The following FBF1 variants were observed in gnomAD, a reference collection of about 807,000 sequenced individuals.
FBF1 encodes fas-binding factor 1.
FBF1 carries 119 observed loss-of-function variants against 147.2 expected under a neutral mutation model. That is an observed-to-expected ratio of 0.81 (90% confidence interval 0.70 to 0.94). The LOEUF (loss-of-function observed/expected upper bound fraction) is 0.94. FBF1 is among the 40% of genes least tolerant of loss of function. The probability of loss-of-function intolerance (pLI) is 0.00; values close to 1 mark genes in which losing one functional copy is unlikely to be tolerated. For missense variants in FBF1, 1,449 were observed against 1,500.8 expected, an observed-to-expected ratio of 0.97 and a Z score of 0.57; for synonymous variants, 601 against 609.0, an observed-to-expected ratio of 0.99 and a Z score of 0.19.
In FBF1 at chr17:75,910,836, C is replaced by T. The variant is rs1304975559; in HGVS notation, c.3364-30G>A. ...AAGGCAGGTTTGGATGGGCGGTCAC[C>T]TTCCCTGAGCTGAGAGGGAGGTGGA... On this transcript the variant is annotated intron_variant, in intron 29 of 29. Coordinates refer to ENST00000636174, the MANE Select transcript of FBF1 (RefSeq NM_001319193.2). This position sits in a 1 kb window ranked among gnomAD's most constrained non-coding sequence, Gnocchi z 4.1. 6 of 1,571,982 alleles carry T rather than the reference C, an allele frequency of 3.8e-6. No individual in the cohort carries two copies. Among genetic ancestry groups the T allele is most frequent in the African/African-American group, 1.3e-5 (1 of 74,106 alleles).
chr17:75,918,328 A>T lies in FBF1; in HGVS notation c.2139-59T>A. On this transcript the variant is annotated intron_variant, in intron 20 of 29. Coordinates refer to ENST00000636174, the MANE Select transcript of FBF1 (RefSeq NM_001319193.2). The surrounding 1 kb of genome is among the most constrained non-coding windows in gnomAD (Gnocchi z 5.8). The stretch of plus-strand genomic sequence containing the variant: ...TGAGCTGGATCACCCTGATGCGGTA[A>T]CTCCTTGTGGAAGGGTGTGTTTCCG... The T allele has an allele frequency of 7.0e-7, 1 of 1,427,304 alleles. No homozygotes were observed. Among genetic ancestry groups the T allele is most frequent in the East Asian group, 2.4e-5 (1 of 42,490 alleles). The allele number at this position is 1,427,304 out of a possible 1,614,324, so 88.4% of individuals were successfully genotyped here.
At chr17:75,917,074 T>C (rs1302240384) in intron 23 of FBF1, among the ~76,000 whole-genome samples, 6 of 152,194 alleles carry the variant, frequency 3.9e-5, no homozygotes, top group African/African-American at 1.4e-4. Flanking sequence ...CTCGAACTCC[T>C]GACCTCAAGT....
chr17:75,926,245 C>G, intron 11 of FBF1, 43 bp downstream of exon 11: 1 of 1,609,858 alleles, frequency 6.2e-7, no homozygotes, highest in East Asian at 2.2e-5. Flanking sequence ...CCAGCTTTTC[C>G]CTGAACCTGA....
intron 10 of FBF1, 33 bp from the exon 11 acceptor site, chr17:75,926,459 C>T: frequency 1.3e-6 from 2 of 1,514,852 alleles, no homozygotes; most frequent in Non-Finnish European, 1.8e-6. Context: ...ATGCCTGCAG[C>T]CTTCTTGCCC....
chr17:75,936,764 A>G (rs2065627795), intron 3 of FBF1, among the ~76,000 whole-genome samples: 1 of 152,092 alleles, frequency 6.6e-6, no homozygotes, highest in Non-Finnish European at 1.5e-5. Flanking sequence ...ACCATGACAC[A>G]CTGGCCAAAG....
At position 75,914,293 on chromosome 17, in the gene FBF1, C is replaced by G. The variant is rs147541272; in HGVS notation, c.2820G>C (p.Gln940His). The G allele has an allele frequency of 1.3e-5, 21 of 1,590,712 alleles. No homozygotes were observed. The East Asian group carries it at 4.5e-4, about 34-fold the overall frequency. ...CGCTGGCCCTGATCTTCAGCTCAGC[C>G]TGCTCCTGGAGACAGCGGAGGCCCT... ...EGTLISLAKE[Q>H]AELKIRASEL... Residue 940 changes from glutamine to histidine, a missense_variant, in exon 26 of 30, where the codon CAG (glutamine) becomes CAC (histidine). Gln to His is a conservative substitution (Grantham distance 24). Transcript: ENST00000636174.
intron 7 of FBF1, 33 bp downstream of exon 7, chr17:75,929,964 C>CCCCCCCCCCAAAAAAAA: frequency 7.1e-7 from 1 of 1,402,198 alleles, no homozygotes; most frequent in Non-Finnish European, 9.9e-7. Context: ...CACCCACCCC[C>CCCCCCCCCCAAAAAAAA]AGTTCTAAGA....
intron 4 of FBF1, among the ~76,000 whole-genome samples, chr17:75,933,924 A>G (rs909117661): frequency 6.6e-6 from 1 of 152,212 alleles, no homozygotes; most frequent in African/African-American, 2.4e-5. Context: ...ATTAGCAAGG[A>G]TGTAGAGGAA....
Position 75,913,961 on chromosome 17 carries a change from C to T in FBF1, c.3081G>A (p.Val1027=), listed in dbSNP as rs180748834. 5.9e-5 allele frequency: 92 copies of T among 1,554,406 alleles called. 1 individual carries two copies. The African/African-American group carries it at 1.0e-3, about 17-fold the overall frequency. Residue 1027 remains valine (V), a synonymous_variant, in exon 27 of 30, where the codon GTG becomes GTA. Coordinates refer to ENST00000636174, the MANE Select transcript of FBF1 (RefSeq NM_001319193.2). ...TCCGCAGCCGCTCCTGCTGTTGCTG[C>T]ACCGCCTGCAACCGGGCCTGCTGCT... The part of the protein sequence containing the change: ...QAEQQARLQA[V]QQQQERLRKQ...
At chr17:75,935,217 C>G (rs1288712669) in intron 4 of FBF1, among the ~76,000 whole-genome samples, 1 of 149,542 alleles carries the variant, frequency 6.7e-6, no homozygotes, top group East Asian at 2.0e-4. Flanking sequence ...CAGGCTGGAG[C>G]GCAGTGGTGC....
rs2065453009 is a variant in FBF1, at chr17:75,910,860, G to A, written c.3364-54C>T. On this transcript the variant is annotated intron_variant, in intron 29 of 29. Transcript: ENST00000636174. This position sits in a 1 kb window ranked among gnomAD's most constrained non-coding sequence, Gnocchi z 4.1. ...CCTTCCCTGAGCTGAGAGGGAGGTG[G>A]AGCCCTGGATGCTAGCTGAGCCAGC... The A allele has an allele frequency of 2.7e-6, 4 of 1,469,074 alleles. No individual in the cohort carries two copies. The highest frequency in any genetic ancestry group is 2.4e-5 in the South Asian group (2 of 82,818). The allele number at this position is 1,469,074 out of a possible 1,614,324, so 91.0% of individuals were successfully genotyped here.
intron 15 of FBF1, 57 bp from the exon 16 acceptor site, chr17:75,921,617 G>C (rs1227150077): frequency 7.2e-7 from 1 of 1,387,210 alleles, no homozygotes; most frequent in African/African-American, 1.4e-5. Flanking sequence ...ACGGGGACGG[G>C]GCAGGGTGGG....
In FBF1 at chr17:75,925,930, G is replaced by A; in HGVS notation, c.868+100C>T. The A allele has an allele frequency of 3.5e-6, 5 of 1,410,750 alleles. No individual in the cohort carries two copies. Among genetic ancestry groups the A allele is most frequent in the Non-Finnish European group, 4.7e-6 (5 of 1,059,004 alleles). 87.4% of individuals were successfully genotyped at this position (1,410,750 alleles called of 1,614,324 possible). A position where few individuals can be genotyped will look rare whatever the true frequency, so the allele number is the denominator to read the frequency against. ...TATAGACGTGTATAATCACATGTGT[G>A]TATCAGGATGTGAGGCTGATTTCTC... On this transcript the variant is annotated intron_variant, in intron 12 of 29. Coordinates refer to ENST00000636174, the MANE Select transcript of FBF1 (RefSeq NM_001319193.2). This position sits in a 1 kb window ranked among gnomAD's most constrained non-coding sequence, Gnocchi z 5.0.
intron 9 of FBF1, among the ~76,000 whole-genome samples, 184 bp from the exon 10 acceptor site, chr17:75,927,061 G>A (rs772689722): frequency 3.3e-5 from 5 of 152,234 alleles, no homozygotes; most frequent in Non-Finnish European, 7.3e-5. Context: ...GCCGGGCAAG[G>A]AGAGAGGGAG....
At position 75,937,760 on chromosome 17, in the gene FBF1, C is replaced by T. The variant is rs769478684; in HGVS notation, c.4-167G>A. ...TATGTGTTCCTATAGTTTCTGAGAACGGACTCATTCAGAGCGTGGAAACAG... is the reference window on the plus strand; with the variant it reads ...TATGTGTTCCTATAGTTTCTGAGAATGGACTCATTCAGAGCGTGGAAACAG... On this transcript the variant is annotated intron_variant, in intron 2 of 29. Transcript: ENST00000636174. The T allele has an allele frequency of 9.3e-5, 71 of 766,062 alleles. 1 individual carries two copies. In the Middle Eastern group the frequency reaches 2.1e-3, roughly 22 times the overall value. The allele number at this position is 766,062 out of a possible 1,614,324, so 47.5% of individuals were successfully genotyped here. A position where few individuals can be genotyped will look rare whatever the true frequency, so the allele number is the denominator to read the frequency against.
Position 75,922,137 on chromosome 17 carries a change from G to A in FBF1, c.1425-91C>T. On this transcript the variant is annotated intron_variant, in intron 14 of 29. Transcript: ENST00000636174. The surrounding 1 kb of genome is among the most constrained non-coding windows in gnomAD (Gnocchi z 5.0). ...GCCCAGGACGGGCTTCACACGTGAA[G>A]CTCGTGGCCCCCCTTCCTCCTGCTT... 1 of 1,093,436 alleles carries A rather than the reference G, an allele frequency of 9.1e-7. No homozygotes were observed. Among genetic ancestry groups the A allele is most frequent in the Middle Eastern group, 2.3e-4 (1 of 4,370 alleles). The allele number at this position is 1,093,436 out of a possible 1,614,324, so 67.7% of individuals were successfully genotyped here.
At chr17:75,933,207 A>C (rs1248925568) in intron 4 of FBF1, 119 bp from the exon 5 acceptor site, 1 of 689,706 alleles carries the variant, frequency 1.4e-6, no homozygotes, top group Non-Finnish European at 2.4e-6. Flanking sequence ...AAATCTGGCC[A>C]AATAGGCAGG....
chr17:75,935,638 C>T lies in FBF1; in HGVS notation c.67G>A (p.Asp23Asn). The change falls in exon 4 of 30, where the codon GAT becomes AAT. Residue 23 changes from aspartate (D) to asparagine (N), a missense_variant. By Grantham distance (23) the Asp-to-Asn change is conservative (BLOSUM62 1). Coordinates refer to ENST00000636174, the MANE Select transcript of FBF1 (RefSeq NM_001319193.2). ...IDDFLGDLLGDDMTLPEKPVK... is the reference protein window; with the variant it reads ...IDDFLGDLLGNDMTLPEKPVK... ...CTGGGCAAGGCACACTTACTATCAT[C>T]CCCTAGAAGGTCACCAAGAAAATCA... The T allele has an allele frequency of 1.3e-6, 2 of 1,536,860 alleles. No individual in the cohort carries two copies. Among genetic ancestry groups the T allele is most frequent in the South Asian group, 2.4e-5 (2 of 84,032 alleles).
At position 75,914,018 on chromosome 17, in the gene FBF1, C is replaced by G. The variant is rs754633811; in HGVS notation, c.3024G>C (p.Arg1008=). ...GCACCTGCTGGGCCTCGCGCAATGC[C>G]CGCTCCCCCTCCTCGTACTTCTCGG... ...VASEKYEEGE[R]ALREAQQVQA... The change falls in exon 27 of 30, where the codon CGG becomes CGC. Residue 1008 remains arginine, a synonymous_variant. Coordinates refer to ENST00000636174, the MANE Select transcript of FBF1 (RefSeq NM_001319193.2). 1 of 1,584,742 alleles carries G rather than the reference C, an allele frequency of 6.3e-7. No homozygotes were observed. The highest frequency in any genetic ancestry group is 8.5e-7 in the Non-Finnish European group (1 of 1,172,830).
Sources: gnomAD v4.1 joint callset for allele counts (sites outside exome capture counted in the v4.1 genomes callset) on GRCh38, gnomAD v4.1.1 for gene constraint, Gnocchi (gnomAD v3.1) non-coding constraint, MANE v1.5 for transcripts, NCBI Gene and HGNC (gene_info 2026-07-23, HGNC 2026-07-21) for gene names.